SPECC1L: variants seen among roughly 807,000 people sequenced by gnomAD.
SPECC1L encodes the protein sperm antigen with calponin homology and coiled-coil domains 1 like.
A neutral mutation model predicts 116.8 loss-of-function variants in SPECC1L; 40 were observed. The ratio of observed to expected loss-of-function variants is 0.34; its 90% CI spans 0.27 to 0.45. The LOEUF is 0.45. SPECC1L is among the 20% of genes least tolerant of loss of function. The probability of loss-of-function intolerance (pLI) is 1.00; values close to 1 mark genes in which losing one functional copy is unlikely to be tolerated. For missense variants in SPECC1L, 1,110 were observed against 1,373.6 expected (o/e 0.81, Z 3.03); for synonymous variants, 504 against 500.6 (o/e 1.01, Z -0.09).
intron 9 of SPECC1L, among the ~76,000 whole-genome samples, chr22:24,336,615 AT>A (rs2041064293): frequency 6.6e-6 from 1 of 152,180 alleles, no homozygotes; most frequent in Non-Finnish European, 1.5e-5. Context: ...TGAAAATCAA[AT>A]TGATAATGGA....
intron 11 of SPECC1L, among the ~76,000 whole-genome samples, chr22:24,348,503 C>T (rs2041351218): frequency 6.6e-6 from 1 of 152,306 alleles, no homozygotes; most frequent in Admixed American, 6.5e-5. Context: ...TACTACCTCC[C>T]TGGCACAAAG....
chr22:24,293,337 C>T lies in SPECC1L; in HGVS notation c.-37-8858C>T, dbSNP rs200456589. Among the ~76,000 whole-genome samples, 9 of 152,272 alleles carry T rather than the reference C, an allele frequency of 5.9e-5. No individual in the cohort carries two copies. The East Asian group carries it at 1.7e-3, about 29-fold the overall frequency. On this transcript the variant is annotated intron_variant, in intron 2 of 16. Coordinates refer to ENST00000314328, the MANE Select transcript of SPECC1L (RefSeq NM_015330.6). ...GCGTGGTGGTACGCACCTGTAGTCC[C>T]AGCTACTCGGGAGGCTGAGGCAGGA... is the stretch of plus-strand genomic sequence containing the variant.
intron 14 of SPECC1L, among the ~76,000 whole-genome samples, chr22:24,378,171 G>A (rs1343058807): frequency 2.6e-5 from 4 of 152,296 alleles, no homozygotes; most frequent in East Asian, 1.9e-4. Context: ...TGCTAGCTTC[G>A]CCTTGCACTT....
chr22:24,318,330 C>G (rs915247428), intron 4 of SPECC1L, among the ~76,000 whole-genome samples: 5 of 152,210 alleles, frequency 3.3e-5, no homozygotes, highest in Non-Finnish European at 5.9e-5. Context: ...ACCAGCCCGG[C>G]CAACACAGCG....
chr22:24,285,809 T>G (rs1378739924), intron 2 of SPECC1L, among the ~76,000 whole-genome samples: 3 of 152,136 alleles, frequency 2.0e-5, no homozygotes, highest in African/African-American at 7.2e-5. Context: ...GCCCGGCTAA[T>G]TTTTGTATTT....
chr22:24,288,172 C>T (rs1395060679), intron 2 of SPECC1L, among the ~76,000 whole-genome samples: 1 of 152,170 alleles, frequency 6.6e-6, no homozygotes, highest in Non-Finnish European at 1.5e-5. Flanking sequence ...TACAGAAAGA[C>T]AAACCCTTCC....
intron 14 of SPECC1L, among the ~76,000 whole-genome samples, chr22:24,386,190 G>A (rs2042157691): frequency 6.6e-6 from 1 of 151,758 alleles, no homozygotes; most frequent in Non-Finnish European, 1.5e-5. Context: ...GATGATAAAG[G>A]GCATCTACAA....
intron 8 of SPECC1L, among the ~76,000 whole-genome samples, chr22:24,331,218 A>C (rs1406240148): frequency 6.6e-6 from 1 of 152,220 alleles, no homozygotes; most frequent in Non-Finnish European, 1.5e-5. Flanking sequence ...TAAGAATTTG[A>C]TTATTCCTTA....
chr22:24,351,463 G>C (rs1198156728), intron 11 of SPECC1L, among the ~76,000 whole-genome samples: 1 of 152,154 alleles, frequency 6.6e-6, no homozygotes, highest in East Asian at 1.9e-4. Context: ...ATCTGGTGAT[G>C]CATCAAACGG....
chr22:24,318,745 G>A (rs1034075776), intron 4 of SPECC1L, among the ~76,000 whole-genome samples: 1 of 151,932 alleles, frequency 6.6e-6, no homozygotes, highest in Non-Finnish European at 1.5e-5. Flanking sequence ...CATGCCCAAT[G>A]TGGTGAAACC....
intron 14 of SPECC1L, among the ~76,000 whole-genome samples, chr22:24,382,016 T>TA (rs67149223): frequency 1.2e-4 from 18 of 151,436 alleles, no homozygotes; most frequent in Non-Finnish European, 1.9e-4. Flanking sequence ...GACTAGTCAG[T>TA]AAAAAAAAAT....
chr22:24,373,829 T>A (rs1273541481), intron 14 of SPECC1L, among the ~76,000 whole-genome samples: 2 of 151,604 alleles, frequency 1.3e-5, no homozygotes, highest in Non-Finnish European at 2.9e-5. Flanking sequence ...ACCATCAGAG[T>A]GAACAGGCAA....
chr22:24,396,306 T>G (rs999550943), intron 14 of SPECC1L, among the ~76,000 whole-genome samples: 15 of 151,706 alleles, frequency 9.9e-5, no homozygotes, highest in Non-Finnish European at 1.8e-4. Context: ...TTTTTTTTTT[T>G]TGTTGTTGTT....
intron 2 of SPECC1L, among the ~76,000 whole-genome samples, chr22:24,301,172 A>G (rs961733383): frequency 5.3e-5 from 8 of 152,204 alleles, no homozygotes; most frequent in African/African-American, 1.9e-4. Flanking sequence ...TCATCAGAGC[A>G]AAGAGGCAAC....
At chr22:24,350,323 AC>A (rs1237849399) in intron 11 of SPECC1L, among the ~76,000 whole-genome samples, 1 of 152,022 alleles carries the variant, frequency 6.6e-6, no homozygotes, top group African/African-American at 2.4e-5. Context: ...AAATTGTAAG[AC>A]CTATAAGGCA....
In SPECC1L at chr22:24,322,802, C is replaced by T. The variant is rs1278802231; in HGVS notation, c.1822C>T (p.Leu608Phe). The change falls in exon 5 of 17, where the codon CTC becomes TTC. Residue 608 changes from leucine (L) to phenylalanine (F), a missense_variant. Transcript: ENST00000314328. Reference sequence around the variant, plus strand: ...TGGAGACAAATCTGATATTCAGGACCTCCTGGAGAGTGTCAGGCTGGACAA... The same window carrying T: ...TGGAGACAAATCTGATATTCAGGACTTCCTGGAGAGTGTCAGGCTGGACAA... Reference protein sequence around the residue: ...NSGDKSDIQDLLESVRLDKEK... With the variant: ...NSGDKSDIQDFLESVRLDKEK... 1 of 1,600,272 alleles carries T rather than the reference C, an allele frequency of 6.2e-7. No individual in the cohort carries two copies. Among genetic ancestry groups the T allele is most frequent in the Admixed American group, 1.7e-5 (1 of 58,198 alleles).
intron 11 of SPECC1L, among the ~76,000 whole-genome samples, chr22:24,359,430 G>A (rs149664570): frequency 4.6e-5 from 7 of 152,058 alleles, no homozygotes; most frequent in Non-Finnish European, 5.9e-5. Flanking sequence ...ATGTGTTCAC[G>A]TCTCTTCCTT....
intron 14 of SPECC1L, among the ~76,000 whole-genome samples, chr22:24,373,164 T>C (rs1050806980): frequency 6.6e-6 from 1 of 152,108 alleles, no homozygotes; most frequent in African/African-American, 2.4e-5. Flanking sequence ...TGCTCATGGG[T>C]AGGAAGAATC....
intron 9 of SPECC1L, among the ~76,000 whole-genome samples, chr22:24,335,990 A>T (rs185330251): frequency 6.6e-6 from 1 of 152,116 alleles, no homozygotes; most frequent in African/African-American, 2.4e-5. Flanking sequence ...GTGTATGTAT[A>T]CATATGTATA....
Sources: allele counts gnomAD v4.1 joint callset (sites outside exome capture counted in the v4.1 genomes callset), GRCh38; gene constraint gnomAD v4.1.1; transcripts MANE v1.5; gene names NCBI Gene and HGNC (gene_info 2026-07-23, HGNC 2026-07-21).